AMOTL1: variants seen among roughly 807,000 people sequenced by gnomAD.
AMOTL1 encodes the protein angiomotin-like protein 1.
A neutral mutation model predicts 102.9 loss-of-function variants in AMOTL1; 45 were observed. The ratio of observed to expected loss-of-function variants is 0.44; its 90% CI spans 0.34 to 0.56. The LOEUF is 0.56. AMOTL1 is among the 20% of genes least tolerant of loss of function. The pLI, the probability that AMOTL1 is intolerant of heterozygous loss-of-function variation, is 0.01. For synonymous variants in AMOTL1, 481 were observed against 484.7 expected, an observed-to-expected ratio of 0.99 and a Z score of 0.10; for missense variants, 1,114 against 1,225.6, an observed-to-expected ratio of 0.91 and a Z score of 1.36.
At chr11:94,732,829 G>C (rs927361199) in intron 2 of AMOTL1, among the ~76,000 whole-genome samples, 1 of 152,180 alleles carries the variant, frequency 6.6e-6, no homozygotes, top group Non-Finnish European at 1.5e-5. Flanking sequence ...TGGGAAACAC[G>C]GCCTGGCAGC....
intron 8 of AMOTL1, 141 bp downstream of exon 8, chr11:94,854,223 A>G: frequency 3.6e-6 from 4 of 1,125,522 alleles, no homozygotes; most frequent in South Asian, 1.9e-5. Context: ...CAGTGAACCC[A>G]TACAACAACC....
chr11:94,817,827 C>T (rs755620384), intron 3 of AMOTL1, among the ~76,000 whole-genome samples: 3 of 152,110 alleles, frequency 2.0e-5, no homozygotes, highest in Non-Finnish European at 4.4e-5. Flanking sequence ...TCATAAACAT[C>T]GAGCAGAACA....
At position 94,768,392 on chromosome 11, in the gene AMOTL1, C is replaced by A. The variant is rs1380181762; in HGVS notation, c.-120C>A. 6.6e-7 allele frequency: 1 copy of A among 1,505,620 alleles called. No homozygotes were observed. Among genetic ancestry groups the A allele is most frequent in the African/African-American group, 1.4e-5 (1 of 72,056 alleles). 93.3% of individuals were successfully genotyped at this position (1,505,620 alleles called of 1,614,324 possible). On this transcript the variant is annotated 5_prime_UTR_variant, in exon 1 of 13. Transcript: ENST00000433060. ...AGCTCTAGGACCCAGCAGCGGTTGT[C>A]GGGTTTGGGGCTGGAGGTGAAGCCC... is the stretch of plus-strand genomic sequence containing the variant.
At chr11:94,858,060 C>T (rs1009662718) in intron 8 of AMOTL1, among the ~76,000 whole-genome samples, 3 of 152,228 alleles carry the variant, frequency 2.0e-5, no homozygotes, top group South Asian at 2.1e-4. Context: ...TAAGAGGATT[C>T]TGCAAAAATA....
At chr11:94,733,333 C>G (rs1240364057) in intron 2 of AMOTL1, among the ~76,000 whole-genome samples, 3 of 152,234 alleles carry the variant, frequency 2.0e-5, no homozygotes, top group Non-Finnish European at 4.4e-5. Context: ...CTCCTACTGG[C>G]ACTTGTTTCA....
rs532754187 is a variant in AMOTL1, at chr11:94,831,936, G to A, written c.1648+395G>A. ...GAGGTTTTGTCCTCGTATAGGTTGT[G>A]GAGTTCTAGACTGGCTGCCCCTTGC... On this transcript the variant is annotated intron_variant, in intron 6 of 12. Coordinates refer to ENST00000433060, the MANE Select transcript of AMOTL1 (RefSeq NM_130847.3). Among the ~76,000 whole-genome samples the A allele has an allele frequency of 4.3e-3, 651 of 152,324 alleles. 5 individuals are homozygous for A. The highest frequency in any genetic ancestry group is 6.7e-3 in the Non-Finnish European group (454 of 68,034).
At chr11:94,761,959 C>G (rs1950799240) in intron 3 of AMOTL1, among the ~76,000 whole-genome samples, 1 of 152,160 alleles carries the variant, frequency 6.6e-6, no homozygotes, top group African/African-American at 2.4e-5. Context: ...CCAATAATTA[C>G]TTTCAAAATG....
chr11:94,786,959 A>G (rs1416185260), intron 1 of AMOTL1, among the ~76,000 whole-genome samples: 1 of 152,174 alleles, frequency 6.6e-6, no homozygotes, highest in Non-Finnish European at 1.5e-5. Context: ...TGTGTTGAGT[A>G]CTTGCTGTGA....
chr11:94,778,197 G>A (rs1951052387), intron 1 of AMOTL1, among the ~76,000 whole-genome samples: 1 of 152,090 alleles, frequency 6.6e-6, no homozygotes, highest in Admixed American at 6.5e-5. Flanking sequence ...GGGGAGGGTG[G>A]ATAAATACAG....
chr11:94,794,279 G>A lies in AMOTL1; in HGVS notation c.50-732G>A, dbSNP rs141669556. Among the ~76,000 whole-genome samples the A allele has an allele frequency of 2.4e-3, 369 of 152,304 alleles. 3 individuals are homozygous for A. Among genetic ancestry groups the A allele is most frequent in the African/African-American group, 8.4e-3 (351 of 41,568 alleles). ...CAGAGAGGGAAAACAGCCTGGGCCCGTCCTGCTGAATGTTCCCATGGATGT... is the reference window on the plus strand; with the variant it reads ...CAGAGAGGGAAAACAGCCTGGGCCCATCCTGCTGAATGTTCCCATGGATGT... On this transcript the variant is annotated intron_variant, in intron 1 of 12. Transcript: ENST00000433060.
upstream of AMOTL1, chr11:94,768,305 C>A (rs1342807326): frequency 1.5e-6 from 2 of 1,346,766 alleles, no homozygotes; most frequent in African/African-American, 1.5e-5. Context: ...CGAGCCCGGG[C>A]GACCCTCCCC....
At chr11:94,860,664 TA>T (rs1400697988) in intron 9 of AMOTL1, among the ~76,000 whole-genome samples, 1 of 152,234 alleles carries the variant, frequency 6.6e-6, no homozygotes, top group Non-Finnish European at 1.5e-5. Context: ...ATTGGACATT[TA>T]ACTTAAAGTT....
intron 3 of AMOTL1, among the ~76,000 whole-genome samples, chr11:94,818,740 C>T (rs1473844611): frequency 6.6e-6 from 1 of 152,106 alleles, no homozygotes; most frequent in Non-Finnish European, 1.5e-5. Context: ...TACACGTCTC[C>T]AAAGTAATGT....
chr11:94,815,120 G>A (rs1435310425), intron 3 of AMOTL1, among the ~76,000 whole-genome samples: 1 of 152,150 alleles, frequency 6.6e-6, no homozygotes, highest in Non-Finnish European at 1.5e-5. Context: ...TTCATGAAAT[G>A]TAATTAGAAA....
At chr11:94,850,725 A>G (rs1389353965) in intron 7 of AMOTL1, among the ~76,000 whole-genome samples, 1 of 152,250 alleles carries the variant, frequency 6.6e-6, no homozygotes, top group Non-Finnish European at 1.5e-5. Flanking sequence ...CCAGGCAGCC[A>G]GGGGCCAGCT....
chr11:94,745,008 C>A (rs530719653), intron 3 of AMOTL1, among the ~76,000 whole-genome samples: 2 of 152,076 alleles, frequency 1.3e-5, no homozygotes, highest in African/African-American at 4.8e-5. Flanking sequence ...TTATCTTTAT[C>A]CCAGGGAATG....
At chr11:94,762,053 T>A (rs1340756720) in intron 3 of AMOTL1, among the ~76,000 whole-genome samples, 1 of 152,234 alleles carries the variant, frequency 6.6e-6, no homozygotes, top group African/African-American at 2.4e-5. Context: ...CTTTATGTTG[T>A]TTTAGAAACT....
At chr11:94,743,510 A>C (rs1950553007) in intron 3 of AMOTL1, among the ~76,000 whole-genome samples, 1 of 151,988 alleles carries the variant, frequency 6.6e-6, no homozygotes, top group Non-Finnish European at 1.5e-5. Context: ...CAGCAGGAAA[A>C]ATGCCTTTTA....
chr11:94,768,352 C>T (rs1237499618), upstream of AMOTL1: 2 of 1,370,160 alleles, frequency 1.5e-6, no homozygotes, highest in Non-Finnish European at 1.9e-6. Flanking sequence ...CGGACGGCGG[C>T]GGGAGCGCGC....
Sources: allele counts gnomAD v4.1 joint callset (sites outside exome capture counted in the v4.1 genomes callset), GRCh38; gene constraint gnomAD v4.1.1; transcripts MANE v1.5; gene names NCBI Gene and HGNC (gene_info 2026-07-23, HGNC 2026-07-21).